Variants in PPARGC1A observed in about 807,000 individuals in gnomAD.
PPARGC1A encodes peroxisome proliferator-activated receptor gamma coactivator 1-alpha.
A neutral mutation model predicts 88.7 loss-of-function variants in PPARGC1A; 25 were observed. That is an observed-to-expected ratio of 0.28 (90% CI 0.21 to 0.39). The LOEUF is 0.39. PPARGC1A is among the 10% of genes least tolerant of loss of function. PPARGC1A has a pLI of 1.00. For missense variants in PPARGC1A, 880 were observed against 968.7 expected (o/e 0.91, Z 1.22); for synonymous variants, 363 against 355.6 (o/e 1.02, Z -0.24).
the PPARGC1A span, among the ~76,000 whole-genome samples, chr4:24,080,771 G>T: frequency 6.6e-6 from 1 of 152,094 alleles, no homozygotes; most frequent in Admixed American, 6.6e-5. Context: ...GTTTAGAGTA[G>T]AAATATATTC....
At chr4:24,450,414 A>G in the PPARGC1A span, among the ~76,000 whole-genome samples, 30 of 152,238 alleles carry the variant, frequency 2.0e-4, no homozygotes, top group Admixed American at 2.0e-3. Flanking sequence ...TAATGTGCAG[A>G]GCTGACTGCA....
At chr4:23,835,057 T>C (rs1725760260) in intron 2 of PPARGC1A, among the ~76,000 whole-genome samples, 1 of 152,220 alleles carries the variant, frequency 6.6e-6, no homozygotes, top group Admixed American at 6.5e-5. Context: ...ATTTCATTGA[T>C]GTTCAAAAAC....
chr4:24,034,786 T>C, the PPARGC1A span, among the ~76,000 whole-genome samples: 2 of 152,188 alleles, frequency 1.3e-5, no homozygotes, highest in Non-Finnish European at 2.9e-5. Context: ...TGATTGAGAA[T>C]AAAGACAAAA....
At chr4:24,174,594 T>A in the PPARGC1A span, among the ~76,000 whole-genome samples, 1 of 152,220 alleles carries the variant, frequency 6.6e-6, no homozygotes, top group African/African-American at 2.4e-5. Context: ...CCAATCCCCA[T>A]GCTATGTGGT....
chr4:24,044,244 C>G, the PPARGC1A span, among the ~76,000 whole-genome samples: 4 of 152,162 alleles, frequency 2.6e-5, no homozygotes, highest in East Asian at 7.7e-4. Flanking sequence ...TGAGCATTCA[C>G]TTACATAAAA....
At chr4:24,091,514 A>G in the PPARGC1A span, 1 of 985,364 alleles carries the variant, frequency 1.0e-6, no homozygotes, top group Non-Finnish European at 1.2e-6. Flanking sequence ...GTCTTCTTCC[A>G]GCCTTGGGGA....
the PPARGC1A span, among the ~76,000 whole-genome samples, chr4:23,943,380 GT>G: frequency 0.64 from 79,302 of 124,348 alleles, 23,151 homozygotes; most frequent in South Asian, 0.67. Flanking sequence ...AAATTAAAAG[GT>G]TTTTTTTTTT....
the PPARGC1A span, among the ~76,000 whole-genome samples, chr4:24,020,804 C>A: frequency 6.6e-6 from 1 of 152,302 alleles, no homozygotes; most frequent in East Asian, 1.9e-4. Context: ...GGCATCTGGA[C>A]ATGCATTTTT....
the PPARGC1A span, among the ~76,000 whole-genome samples, chr4:24,082,302 A>T: frequency 6.6e-6 from 1 of 152,148 alleles, no homozygotes; most frequent in Non-Finnish European, 1.5e-5. Context: ...TTAAAGGCTA[A>T]AGGAAGGATG....
chr4:24,401,216 C>T, the PPARGC1A span, among the ~76,000 whole-genome samples: 1 of 151,808 alleles, frequency 6.6e-6, no homozygotes, highest in Non-Finnish European at 1.5e-5. Flanking sequence ...GACAGGGTTT[C>T]ACCGTGTTAG....
chr4:24,045,597 G>C, the PPARGC1A span, among the ~76,000 whole-genome samples: 1 of 152,078 alleles, frequency 6.6e-6, no homozygotes, highest in South Asian at 2.1e-4. Context: ...TTCAATCTCT[G>C]CCTCTGTCTT....
chr4:23,967,590 A>G, the PPARGC1A span, among the ~76,000 whole-genome samples: 2 of 152,154 alleles, frequency 1.3e-5, no homozygotes, highest in Non-Finnish European at 2.9e-5. Context: ...TAGGGAAGGG[A>G]AGAGATACAG....
At chr4:23,845,181 G>C (rs991041339) in intron 2 of PPARGC1A, among the ~76,000 whole-genome samples, 1 of 152,020 alleles carries the variant, frequency 6.6e-6, no homozygotes, top group Non-Finnish European at 1.5e-5. Flanking sequence ...AAGCTCTGCT[G>C]TTACAAATTA....
At chr4:24,422,118 T>C in the PPARGC1A span, among the ~76,000 whole-genome samples, 9 of 152,246 alleles carry the variant, frequency 5.9e-5, no homozygotes, top group African/African-American at 2.2e-4. Context: ...TGTCTGTTTT[T>C]GTAAATAAAG....
At chr4:24,439,371 C>G in the PPARGC1A span, among the ~76,000 whole-genome samples, 5 of 152,152 alleles carry the variant, frequency 3.3e-5, no homozygotes, top group Non-Finnish European at 7.3e-5. Flanking sequence ...AAGACCAAGT[C>G]TGAAAACCAC....
At chr4:24,402,579 C>G in the PPARGC1A span, among the ~76,000 whole-genome samples, 4 of 152,210 alleles carry the variant, frequency 2.6e-5, no homozygotes, top group Non-Finnish European at 5.9e-5. Flanking sequence ...ACACCAGAGC[C>G]AGGGCTCAGC....
chr4:23,945,638 G>A, the PPARGC1A span, among the ~76,000 whole-genome samples: 1 of 152,284 alleles, frequency 6.6e-6, no homozygotes, highest in Non-Finnish European at 1.5e-5. Flanking sequence ...ATCTTAGCAG[G>A]AGGGACGGCA....
the PPARGC1A span, among the ~76,000 whole-genome samples, chr4:24,247,532 T>G: frequency 6.6e-6 from 1 of 152,252 alleles, no homozygotes; most frequent in South Asian, 2.1e-4. Context: ...CAGAAGACAC[T>G]CAAAAGGAAA....
the PPARGC1A span, among the ~76,000 whole-genome samples, chr4:24,206,468 C>T: frequency 3.9e-5 from 6 of 152,082 alleles, no homozygotes; most frequent in Non-Finnish European, 7.4e-5. Flanking sequence ...ATAATATTTG[C>T]GCAGTATTGT....
Sources: allele counts gnomAD v4.1 joint callset (sites outside exome capture counted in the v4.1 genomes callset), GRCh38; gene constraint gnomAD v4.1.1; transcripts MANE v1.5; gene names NCBI Gene and HGNC (gene_info 2026-07-23, HGNC 2026-07-21).